Variants in MDFIC2 observed in about 807,000 individuals in gnomAD.
MDFIC2 encodes MyoD family inhibitor domain containing 2, also known as myoD family inhibitor domain-containing protein 2.
At chr3:70,266,660 G>T (rs1331066105) in intron 2 of MDFIC2, among the ~76,000 whole-genome samples, 1 of 151,874 alleles carries the variant, frequency 6.6e-6, no homozygotes, top group African/African-American at 2.4e-5. Flanking sequence ...TGCCCATGCT[G>T]GTCTCAAACT....
chr3:70,221,964 T>G (rs1471449895), intron 2 of MDFIC2, among the ~76,000 whole-genome samples: 4 of 152,204 alleles, frequency 2.6e-5, no homozygotes, highest in Admixed American at 2.6e-4. Flanking sequence ...CATTCCCTTT[T>G]AAGCACCTTG....
At chr3:70,219,524 A>G (rs989333848) in intron 2 of MDFIC2, among the ~76,000 whole-genome samples, 1 of 152,202 alleles carries the variant, frequency 6.6e-6, no homozygotes, top group Non-Finnish European at 1.5e-5. Context: ...GGTTTTCATT[A>G]GATTGCAAGA....
intron 2 of MDFIC2, among the ~76,000 whole-genome samples, chr3:70,307,270 A>G (rs1307035814): frequency 2.0e-5 from 3 of 152,146 alleles, no homozygotes; most frequent in African/African-American, 7.2e-5. Flanking sequence ...AGAAATCCAG[A>G]TTTCCAGTTT....
rs182024272 is a variant in MDFIC2 at position 70,269,289 on chromosome 3, C to T, written c.88+42597G>A. On this transcript the variant is annotated intron_variant, in intron 2 of 3. Transcript: ENST00000567252. ...AAAAGCAGTGTTAAATTAAGTTTAG[C>T]CTAAAGCTGGCTCATTATATATTTC... Among the ~76,000 whole-genome samples, 7 of 152,190 alleles carry T rather than the reference C, an allele frequency of 4.6e-5. No individual in the cohort carries two copies. The East Asian group carries it at 1.4e-3, about 29-fold the overall frequency.
At position 70,284,157 on chromosome 3, in the gene MDFIC2, C is replaced by G. The variant is rs184334796; in HGVS notation, c.88+27729G>C. On this transcript the variant is annotated intron_variant, in intron 2 of 3. Transcript: ENST00000567252. ...TAAAATTTCATGAAAGCAAGAGTCACAGTGTATTTCATTTATAGGTTTTAT... is the reference window on the plus strand; with the variant it reads ...TAAAATTTCATGAAAGCAAGAGTCAGAGTGTATTTCATTTATAGGTTTTAT... Among the ~76,000 whole-genome samples the G allele has an allele frequency of 4.0e-3, 604 of 152,156 alleles. 4 individuals carry two copies. The highest frequency in any genetic ancestry group is 0.01 in the Middle Eastern group (3 of 294).
At chr3:70,269,999 C>G (rs181688235) in intron 2 of MDFIC2, among the ~76,000 whole-genome samples, 130 of 152,200 alleles carry the variant, frequency 8.5e-4, no homozygotes, top group Non-Finnish European at 1.6e-3. Context: ...CAGATCGAAA[C>G]AAACAACTGG....
At chr3:70,199,172 G>T (rs1039874351) in intron 3 of MDFIC2, among the ~76,000 whole-genome samples, 24 of 152,154 alleles carry the variant, frequency 1.6e-4, no homozygotes, top group Non-Finnish European at 2.9e-5. Flanking sequence ...GTTTGCTTTG[G>T]AGTTAAGTAG....
rs1444677022 is a variant in MDFIC2 at position 70,195,903 on chromosome 3, A to T, written c.*1023T>A. On this transcript the variant is annotated 3_prime_UTR_variant, in exon 4 of 4. Transcript: ENST00000567252. ...CCAGTCTATATCACATCTTTTTCTT[A>T]AAAAAATAAGTAAAATAAGTACTTG... Among the ~76,000 whole-genome samples the T allele has an allele frequency of 1.3e-5, 2 of 152,150 alleles. No homozygotes were observed. Among genetic ancestry groups the T allele is most frequent in the Non-Finnish European group, 2.9e-5 (2 of 68,014 alleles).
chr3:70,310,408 C>T (rs566902464), intron 2 of MDFIC2, among the ~76,000 whole-genome samples: 1 of 151,930 alleles, frequency 6.6e-6, no homozygotes, highest in Non-Finnish European at 1.5e-5. Flanking sequence ...CTCAGTCACC[C>T]AGGCTGGAGT....
rs572030651 is a variant in MDFIC2, at chr3:70,280,341, C to T, written c.88+31545G>A. On this transcript the variant is annotated intron_variant, in intron 2 of 3. Coordinates refer to ENST00000567252, the MANE Select transcript of MDFIC2 (RefSeq NM_001364677.1). The stretch of plus-strand genomic sequence containing the variant: ...GTCACATCTACGAAGACCCTTTTTC[C>T]TTAAGAGGTAATATGTACAGGTTCC... Among the ~76,000 whole-genome samples, 9 of 152,182 alleles carry T rather than the reference C, an allele frequency of 5.9e-5. No homozygotes were observed. The East Asian group carries it at 1.7e-3, about 29-fold the overall frequency.
intron 2 of MDFIC2, among the ~76,000 whole-genome samples, chr3:70,286,935 T>C (rs1253689144): frequency 6.6e-6 from 1 of 151,684 alleles, no homozygotes; most frequent in Non-Finnish European, 1.5e-5. Context: ...TGAAGTTGCT[T>C]ATCAGCTTAA....
At chr3:70,295,366 C>T (rs554656795) in intron 2 of MDFIC2, among the ~76,000 whole-genome samples, 1 of 152,220 alleles carries the variant, frequency 6.6e-6, no homozygotes, top group East Asian at 1.9e-4. Context: ...TGTGTGATTC[C>T]AAAAACTCAA....
intron 3 of MDFIC2, chr3:70,205,117 G>C (rs1701278341): frequency 6.6e-6 from 1 of 151,934 alleles, no homozygotes; most frequent in African/African-American, 2.4e-5. Flanking sequence ...CTTGAGCTTT[G>C]AAAAAATAAA....
At chr3:70,288,915 G>C (rs2106690195) in intron 2 of MDFIC2, among the ~76,000 whole-genome samples, 1 of 151,866 alleles carries the variant, frequency 6.6e-6, no homozygotes, top group African/African-American at 2.4e-5. Context: ...TTGCTTGGTA[G>C]ATCTTCCTCC....
At chr3:70,288,609 A>C (rs9882359) in intron 2 of MDFIC2, among the ~76,000 whole-genome samples, 7,853 of 149,588 alleles carry the variant, frequency 0.052, 537 homozygotes, top group East Asian at 0.35. Flanking sequence ...ATTCCTGGGT[A>C]TCCTTGTTGA....
intron 2 of MDFIC2, among the ~76,000 whole-genome samples, chr3:70,236,655 G>A (rs112166723): frequency 0.019 from 2,848 of 152,176 alleles, 35 homozygotes; most frequent in South Asian, 0.042. Context: ...GAGTGCAGCG[G>A]CACAATCATG....
intron 2 of MDFIC2, among the ~76,000 whole-genome samples, chr3:70,295,598 A>G (rs1050676433): frequency 6.6e-6 from 1 of 152,054 alleles, no homozygotes; most frequent in Admixed American, 6.6e-5. Context: ...ATTCCTAAGT[A>G]CTTGGGAGAC....
intron 2 of MDFIC2, among the ~76,000 whole-genome samples, chr3:70,270,033 T>C (rs1701958930): frequency 6.6e-6 from 1 of 152,122 alleles, no homozygotes; most frequent in Non-Finnish European, 1.5e-5. Context: ...GATAAATAAA[T>C]CCATGAGTTT....
chr3:70,199,178 A>G (rs1380403220), intron 3 of MDFIC2, among the ~76,000 whole-genome samples: 4 of 152,148 alleles, frequency 2.6e-5, no homozygotes, highest in African/African-American at 9.7e-5. Flanking sequence ...TTTGGAGTTA[A>G]GTAGGGTGGG....
Sources: allele counts gnomAD v4.1 joint callset (sites outside exome capture counted in the v4.1 genomes callset), GRCh38; gene constraint gnomAD v4.1.1; transcripts MANE v1.5; gene names NCBI Gene and HGNC (gene_info 2026-07-23, HGNC 2026-07-21).